PDE8B: variants seen among roughly 807,000 people sequenced by gnomAD.
PDE8B encodes high affinity cAMP-specific and IBMX-insensitive 3',5'-cyclic phosphodiesterase 8B.
A neutral mutation model predicts 101.3 loss-of-function variants in PDE8B; 26 were observed. That is an observed-to-expected ratio of 0.26 (90% CI 0.19 to 0.36). PDE8B has a LOEUF of 0.36. Among genes scored for constraint, PDE8B ranks in the 10% least tolerant of loss-of-function variants. The pLI, the probability that PDE8B is intolerant of heterozygous loss-of-function variation, is 1.00. For missense variants in PDE8B, 810 were observed against 1,163.1 expected (o/e 0.70, Z 4.42); for synonymous variants, 424 against 429.3 (o/e 0.99, Z 0.15).
chr5:77,366,730 CAG>C (rs1317024176), intron 10 of PDE8B, among the ~76,000 whole-genome samples: 1 of 152,188 alleles, frequency 6.6e-6, no homozygotes, highest in Non-Finnish European at 1.5e-5. Flanking sequence ...TGTTGTCCCT[CAG>C]AGGGAATTGT....
chr5:77,266,003 G>T (rs186429253), intron 1 of PDE8B, among the ~76,000 whole-genome samples: 2 of 152,182 alleles, frequency 1.3e-5, no homozygotes, highest in African/African-American at 4.8e-5. Flanking sequence ...GCCTGACTGC[G>T]CTGCTCAGGA....
chr5:77,228,043 A>G (rs916211465), intron 1 of PDE8B, among the ~76,000 whole-genome samples: 2 of 152,198 alleles, frequency 1.3e-5, no homozygotes, highest in African/African-American at 4.8e-5. Context: ...CAAGGCTGCA[A>G]TCAAGATGTT....
intron 1 of PDE8B, among the ~76,000 whole-genome samples, chr5:77,229,184 A>C (rs535834455): frequency 2.0e-5 from 3 of 152,218 alleles, no homozygotes; most frequent in Non-Finnish European, 4.4e-5. Flanking sequence ...TAACTGTGTA[A>C]ATTTTCTTTC....
At chr5:77,344,556 T>C (rs1227530844) in intron 6 of PDE8B, among the ~76,000 whole-genome samples, 1 of 152,220 alleles carries the variant, frequency 6.6e-6, no homozygotes, top group Non-Finnish European at 1.5e-5. Context: ...TGTCCTCACA[T>C]GGCAGAAAGT....
chr5:77,289,797 TGA>T (rs1022336371), intron 1 of PDE8B, among the ~76,000 whole-genome samples: 2 of 152,202 alleles, frequency 1.3e-5, no homozygotes, highest in African/African-American at 2.4e-5. Flanking sequence ...TTATTTCCTG[TGA>T]TCTTGTGGGA....
At chr5:77,268,507 C>T (rs1200804155) in intron 1 of PDE8B, among the ~76,000 whole-genome samples, 1 of 151,702 alleles carries the variant, frequency 6.6e-6, no homozygotes, top group Non-Finnish European at 1.5e-5. Flanking sequence ...TGCCCCACCC[C>T]CCCACTACTC....
At chr5:77,191,171 C>T in the PDE8B span, among the ~76,000 whole-genome samples, 1 of 152,274 alleles carries the variant, frequency 6.6e-6, no homozygotes, top group Non-Finnish European at 1.5e-5. Flanking sequence ...AGGGTCCCAC[C>T]TTTATCCTCA....
At chr5:77,303,654 G>A (rs981299439) in intron 1 of PDE8B, among the ~76,000 whole-genome samples, 11 of 152,088 alleles carry the variant, frequency 7.2e-5, no homozygotes, top group Admixed American at 5.9e-4. Context: ...TGAATTCATC[G>A]TCCCCTCCAC....
chr5:77,123,356 T>TCCCCCCCCC, the PDE8B span, among the ~76,000 whole-genome samples: 115 of 145,826 alleles, frequency 7.9e-4, no homozygotes, highest in Non-Finnish European at 1.2e-3. Flanking sequence ...GTTGAATTCC[T>TCCCCCCCCC]CCCCCACCGC....
chr5:77,165,344 G>C, the PDE8B span: 2 of 152,134 alleles, frequency 1.3e-5, no homozygotes, highest in African/African-American at 4.8e-5. Context: ...AAAAATTCCT[G>C]AAATTTTCAC....
intron 1 of PDE8B, among the ~76,000 whole-genome samples, chr5:77,276,063 G>A (rs975036373): frequency 2.0e-5 from 3 of 152,204 alleles, no homozygotes; most frequent in African/African-American, 4.8e-5. Flanking sequence ...TCAAGTGATT[G>A]TCTCAAACCT....
At chr5:77,173,386 T>C in the PDE8B span, among the ~76,000 whole-genome samples, 1 of 152,200 alleles carries the variant, frequency 6.6e-6, no homozygotes, top group Non-Finnish European at 1.5e-5. Flanking sequence ...ATATTAACAC[T>C]GATTCATCTG....
intron 10 of PDE8B, among the ~76,000 whole-genome samples, chr5:77,363,147 T>C (rs940864785): frequency 6.6e-6 from 1 of 152,210 alleles, no homozygotes; most frequent in African/African-American, 2.4e-5. Context: ...CTGCAATCCT[T>C]ACCACAACTC....
the PDE8B span, among the ~76,000 whole-genome samples, chr5:77,197,300 A>G: frequency 0.3 from 45,752 of 150,764 alleles, 7,245 homozygotes; most frequent in Non-Finnish European, 0.36. Flanking sequence ...TTTTTTTAGT[A>G]GAGTCGGGGT....
the PDE8B span, chr5:77,115,002 T>C: frequency 6.6e-6 from 1 of 151,812 alleles, no homozygotes; most frequent in South Asian, 2.1e-4. Flanking sequence ...AACAATTATA[T>C]AAAGAAAAAA....
At chr5:77,400,419 T>C in intron 11 of PDE8B, 129 bp downstream of exon 11, 1 of 725,930 alleles carries the variant, frequency 1.4e-6, no homozygotes, top group East Asian at 2.6e-5. Flanking sequence ...ATCCACGTGC[T>C]CATATCACAA....
rs1767478452 is a variant in PDE8B at position 77,292,035 on chromosome 5, G to A, written c.340-19959G>A. On this transcript the variant is annotated intron_variant, in intron 1 of 21. Transcript: ENST00000264917. ...AAACCATTTACCACTTAGCAACATT[G>A]GCAGCTTTAGTTCTCCAGCAGCCTA... 2.7e-5 allele frequency among the ~76,000 whole-genome samples: 4 copies of A among 149,764 alleles called. No homozygotes were observed. In the South Asian group the frequency reaches 8.5e-4, roughly 32 times the overall value.
At chr5:77,090,553 G>A in the PDE8B span, among the ~76,000 whole-genome samples, 8 of 152,200 alleles carry the variant, frequency 5.3e-5, no homozygotes, top group Non-Finnish European at 8.8e-5. Context: ...GATTACAGGC[G>A]TGAGCCACCG....
chr5:77,350,963 G>A (rs577842655), intron 8 of PDE8B, 102 bp from the exon 9 acceptor site: 67 of 830,930 alleles, frequency 8.1e-5, no homozygotes, highest in Non-Finnish European at 1.2e-4. Flanking sequence ...GAAATGTAAC[G>A]AGAGCATGTG....
Sources: allele counts gnomAD v4.1 joint callset (sites outside exome capture counted in the v4.1 genomes callset), GRCh38; gene constraint gnomAD v4.1.1; transcripts MANE v1.5; gene names NCBI Gene and HGNC (gene_info 2026-07-23, HGNC 2026-07-21).